Variants in ZNF236 observed in about 807,000 individuals in gnomAD.
ZNF236 encodes regulated by glucose.
ZNF236 carries 50 observed loss-of-function variants against 191.2 expected under a neutral mutation model. That is an observed-to-expected ratio of 0.26 (90% confidence interval 0.21 to 0.33). ZNF236 has a LOEUF of 0.33. Ranked by LOEUF, ZNF236 falls within the 10% of genes least tolerant of loss-of-function variation. ZNF236 has a pLI of 1.00. For synonymous variants in ZNF236, 907 were observed against 928.8 expected, an observed-to-expected ratio of 0.98 and a Z score of 0.43; for missense variants, 1,754 against 2,374.5, an observed-to-expected ratio of 0.74 and a Z score of 5.43.
intron 18 of ZNF236, among the ~76,000 whole-genome samples, chr18:76,914,746 G>A (rs1423517996): frequency 1.9e-4 from 29 of 152,062 alleles, no homozygotes; most frequent in Admixed American, 1.9e-3. Context: ...AGTTGTAAGA[G>A]GTTTTTATAT....
Position 76,874,148 on chromosome 18 carries a change from C to G in ZNF236, c.668-1344C>G, listed in dbSNP as rs541067904. Among the ~76,000 whole-genome samples, 3 of 152,282 alleles carry G rather than the reference C, an allele frequency of 2.0e-5. No individual in the cohort carries two copies. The East Asian group carries it at 5.8e-4, about 29-fold the overall frequency. ...GGCAGAGCCGTGACCGGGCCACACT[C>G]TCACTGTGCCTCCTGACTGTCTGTC... is the stretch of plus-strand genomic sequence containing the variant. On this transcript the variant is annotated intron_variant, in intron 5 of 30. Transcript: ENST00000320610.
chr18:76,964,423 A>G (rs1473766105), intron 30 of ZNF236, among the ~76,000 whole-genome samples: 1 of 152,136 alleles, frequency 6.6e-6, no homozygotes, highest in Admixed American at 6.5e-5. Flanking sequence ...GGTCTGAGAG[A>G]GAGCTTGATA....
intron 26 of ZNF236, among the ~76,000 whole-genome samples, chr18:76,943,203 C>T (rs530825457): frequency 6.6e-6 from 1 of 151,440 alleles, no homozygotes; most frequent in East Asian, 1.9e-4. Flanking sequence ...TTTATAAGTC[C>T]ATAATTCTAA....
At chr18:76,896,495 G>A (rs1440880238) in intron 10 of ZNF236, among the ~76,000 whole-genome samples, 1 of 151,776 alleles carries the variant, frequency 6.6e-6, no homozygotes, top group African/African-American at 2.4e-5. Flanking sequence ...CAGCCTCAGT[G>A]CTGTACCCAC....
intron 28 of ZNF236, among the ~76,000 whole-genome samples, chr18:76,956,862 G>C (rs566683469): frequency 2.1e-4 from 32 of 152,308 alleles, no homozygotes; most frequent in African/African-American, 7.7e-4. Flanking sequence ...ACACAGAGGA[G>C]CGTGCAGCAC....
chr18:76,847,227 T>C (rs1471751328), intron 1 of ZNF236, among the ~76,000 whole-genome samples: 1 of 152,246 alleles, frequency 6.6e-6, no homozygotes, highest in Non-Finnish European at 1.5e-5. Context: ...AATTGTTTTA[T>C]CATCCTGAGA....
In ZNF236 at chr18:76,972,479, A is replaced by C. The variant is rs1321332229; in HGVS notation, c.*4140A>C. 6.6e-6 allele frequency among the ~76,000 whole-genome samples: 1 copy of C among 151,560 alleles called. No individual in the cohort carries two copies. Among genetic ancestry groups the C allele is most frequent in the Non-Finnish European group, 1.5e-5 (1 of 67,910 alleles). ...CTCACACTCACCCACACACCCTCAC[A>C]CTCACCCTCCCTACACAGGCATCGG... On this transcript the variant is annotated 3_prime_UTR_variant, in exon 31 of 31. Coordinates refer to ENST00000320610, the MANE Select transcript of ZNF236 (RefSeq NM_001306089.2).
intron 3 of ZNF236, among the ~76,000 whole-genome samples, chr18:76,856,596 C>T (rs1976047375): frequency 6.6e-6 from 1 of 152,138 alleles, no homozygotes; most frequent in Non-Finnish European, 1.5e-5. Flanking sequence ...TGAAGTTTAG[C>T]ATCTTTCCAT....
chr18:76,843,173 C>G (rs999376434), intron 1 of ZNF236, among the ~76,000 whole-genome samples: 2 of 151,926 alleles, frequency 1.3e-5, no homozygotes, highest in African/African-American at 4.8e-5. Context: ...TTAAATCTAA[C>G]GTAGGCAGTT....
chr18:76,854,446 T>C (rs1225624538), intron 3 of ZNF236, among the ~76,000 whole-genome samples: 1 of 152,080 alleles, frequency 6.6e-6, no homozygotes, highest in Admixed American at 6.6e-5. Flanking sequence ...TTATCAAATA[T>C]TAATATTTTA....
chr18:76,936,122 C>A (rs1476226903), intron 25 of ZNF236: 2 of 455,148 alleles, frequency 4.4e-6, no homozygotes, highest in African/African-American at 2.0e-5. Context: ...ACTGATGTGA[C>A]CCAAGTCACA....
At position 76,960,653 on chromosome 18, in the gene ZNF236, A is replaced by G. The variant is rs956632834; in HGVS notation, c.5243-26A>G. 3 of 1,614,066 alleles carry G rather than the reference A, an allele frequency of 1.9e-6. No homozygotes were observed. The highest frequency in any genetic ancestry group is 2.5e-6 in the Non-Finnish European group (3 of 1,179,960). ...CATCCACTATACTTTTCTTAGAGACATTGACATATGCCATTTTCTGTACAG... is the reference window on the plus strand; with the variant it reads ...CATCCACTATACTTTTCTTAGAGACGTTGACATATGCCATTTTCTGTACAG... On this transcript the variant is annotated intron_variant, in intron 29 of 30. Transcript: ENST00000320610. The surrounding 1 kb of genome is among the most constrained non-coding windows in gnomAD (Gnocchi z 4.4).
intron 9 of ZNF236, chr18:76,885,768 A>G (rs1391402993): frequency 6.6e-6 from 1 of 152,424 alleles, no homozygotes; most frequent in African/African-American, 2.4e-5. Context: ...CTGAGCAGAC[A>G]AGAGGAACAG....
intron 1 of ZNF236, among the ~76,000 whole-genome samples, chr18:76,831,478 G>C (rs1975166319): frequency 6.6e-6 from 1 of 152,146 alleles, no homozygotes; most frequent in African/African-American, 2.4e-5. Context: ...TTAGCAATAT[G>C]AGTAAAGTTG....
At chr18:76,912,486 T>G (rs1459528852) in intron 17 of ZNF236, 139 bp downstream of exon 17, 30 of 582,030 alleles carry the variant, frequency 5.2e-5, no homozygotes, top group Non-Finnish European at 3.0e-6. Flanking sequence ...ATCCATATTC[T>G]GTAAATAAAC....
chr18:76,919,950 G>A lies in ZNF236; in HGVS notation c.3449G>A (p.Arg1150His), dbSNP rs767250661. ...GTGCAGTCCGCGGCAGAAAAGGACC[G>A]CATCAGTGAGCTGAGGGACAAGCAG... ...VLVQSAAEKD[R>H]ISELRDKQAE... The change falls in exon 20 of 31, where the codon CGC (arginine) becomes CAC (histidine). Residue 1150 changes from arginine (R) to histidine (H), a missense_variant. By Grantham distance (29) the Arg-to-His change is conservative. Around this residue, in one of 5 missense-constraint regions of ZNF236, gnomAD observed 641 missense variants for 869.6 expected, o/e 0.74. Coordinates refer to ENST00000320610, the MANE Select transcript of ZNF236 (RefSeq NM_001306089.2). The surrounding 1 kb of genome is among the most constrained non-coding windows in gnomAD (Gnocchi z 5.3). The A allele has an allele frequency of 6.2e-7, 1 of 1,614,010 alleles. No homozygotes were observed. Among genetic ancestry groups the A allele is most frequent in the Non-Finnish European group, 8.5e-7 (1 of 1,180,026 alleles).
chr18:76,925,322 G>A lies in ZNF236; in HGVS notation c.3795G>A (p.Ser1265=). ...ATTGCGAGCTGCGTTTCCGTACCTC[G>A]GGTAGAAGAAAGACACACATGCAGT... ...CPHCELRFRT[S]GRRKTHMQFH... is the part of the protein sequence containing the mutation. The change falls in exon 22 of 31, where the codon TCG becomes TCA. Residue 1265 remains serine (S), a synonymous_variant. Coordinates refer to ENST00000320610, the MANE Select transcript of ZNF236 (RefSeq NM_001306089.2). The surrounding 1 kb of genome is among the most constrained non-coding windows in gnomAD (Gnocchi z 5.7). 4.3e-6 allele frequency: 7 copies of A among 1,614,134 alleles called. No homozygotes were observed. The highest frequency in any genetic ancestry group is 2.2e-5 in the East Asian group (1 of 44,884).
At chr18:76,934,318 A>G (rs1385950044) in intron 25 of ZNF236, among the ~76,000 whole-genome samples, 1 of 152,246 alleles carries the variant, frequency 6.6e-6, no homozygotes, top group Non-Finnish European at 1.5e-5. Flanking sequence ...CCCAACATCC[A>G]TTCCCAAATC....
At position 76,832,148 on chromosome 18, in the gene ZNF236, T is replaced by C. The variant is rs562751457; in HGVS notation, c.55+9486T>C. Reference sequence around the variant, plus strand: ...AGGCTCAAGTGCAGTAGTGTGATCTTGGCTCACTGCAACATCTGCTTCCTG... The same window carrying C: ...AGGCTCAAGTGCAGTAGTGTGATCTCGGCTCACTGCAACATCTGCTTCCTG... On this transcript the variant is annotated intron_variant, in intron 1 of 30. Coordinates refer to ENST00000320610, the MANE Select transcript of ZNF236 (RefSeq NM_001306089.2). Among the ~76,000 whole-genome samples, 23 of 152,342 alleles carry C rather than the reference T, an allele frequency of 1.5e-4. No homozygotes were observed. In the East Asian group the frequency reaches 3.5e-3, roughly 23 times the overall value.
Sources: gnomAD v4.1 joint callset for allele counts (sites outside exome capture counted in the v4.1 genomes callset) on GRCh38, gnomAD v4.1.1 for gene constraint, gnomAD v4.1.1 regional missense constraint, Gnocchi (gnomAD v3.1) non-coding constraint, MANE v1.5 for transcripts, NCBI Gene and HGNC (gene_info 2026-07-23, HGNC 2026-07-21) for gene names.